Variants in ATP5MJ observed in about 807,000 individuals in gnomAD.
The protein encoded by ATP5MJ is ATP synthase membrane subunit j.
A neutral mutation model predicts 8.3 loss-of-function variants in ATP5MJ; 4 were observed. The observed-to-expected ratio is 0.48, with a 90% CI of 0.24 to 1.11. The LOEUF is 1.11. Among genes scored for constraint, ATP5MJ ranks in the 50% least tolerant of loss-of-function variants. The pLI, the probability that ATP5MJ is intolerant of heterozygous loss-of-function variation, is 0.18. For missense variants in ATP5MJ, 66 were observed against 71.8 expected, an observed-to-expected ratio of 0.92 and a Z score of 0.29; for synonymous variants, 23 against 21.3, an observed-to-expected ratio of 1.08 and a Z score of -0.23.
chr14:103,912,584 C>T lies in ATP5MJ; in HGVS notation c.*82G>A. 7.1e-7 allele frequency: 1 copy of T among 1,410,346 alleles called. No homozygotes were observed. Among genetic ancestry groups the T allele is most frequent in the East Asian group, 2.3e-5 (1 of 43,898 alleles). The allele number at this position is 1,410,346 out of a possible 1,614,324, so 87.4% of individuals were successfully genotyped here. ...ACTTATACAAGTGTACAGTGACGTT[C>T]CACGCTCCCCATCTAACACGGCTTG... is the stretch of plus-strand genomic sequence containing the variant. On this transcript the variant is annotated 3_prime_UTR_variant, in exon 4 of 4. Coordinates refer to ENST00000286953, the MANE Select transcript of ATP5MJ (RefSeq NM_004894.3).
intron 1 of ATP5MJ, among the ~76,000 whole-genome samples, chr14:103,916,044 G>A (rs970239242): frequency 2.6e-5 from 4 of 152,174 alleles, no homozygotes; most frequent in African/African-American, 9.7e-5. Flanking sequence ...TGATTTCCTT[G>A]TGAAACTAAT....
chr14:103,915,220 A>G (rs1287455766), intron 1 of ATP5MJ, 31 bp from the exon 2 acceptor site: 2 of 1,605,488 alleles, frequency 1.2e-6, no homozygotes, highest in South Asian at 1.1e-5. Context: ...TAAAAATTAG[A>G]ATGATGATTG....
intron 2 of ATP5MJ, chr14:103,914,200 C>CT: frequency 1.7e-6 from 1 of 587,030 alleles, no homozygotes; most frequent in South Asian, 2.2e-5. Context: ...TCCTTACCTT[C>CT]TACAATGTCC....
chr14:103,919,761 C>G (rs550688055), intron 1 of ATP5MJ, among the ~76,000 whole-genome samples: 3 of 152,132 alleles, frequency 2.0e-5, no homozygotes, highest in Non-Finnish European at 4.4e-5. Context: ...CCCTTCCTTT[C>G]CCCTTGACTT....
Position 103,915,095 on chromosome 14 carries a change from C to G in ATP5MJ, c.95G>C (p.Gly32Ala), listed in dbSNP as rs2087614603. ...QEIWIGMGLM[G>A]FIVYKIRAAD... ...AGCCCGGATTTTATAAACGATGAAG[C>G]CCATCAGCCCCATTCCTATCCAAAT... is the stretch of plus-strand genomic sequence containing the variant. Residue 32 changes from glycine to alanine, a missense_variant, in exon 2 of 4, where the codon GGC becomes GCC. Transcript: ENST00000286953. The G allele has an allele frequency of 6.2e-7, 1 of 1,614,036 alleles. No individual in the cohort carries two copies. The highest frequency in any genetic ancestry group is 8.5e-7 in the Non-Finnish European group (1 of 1,180,008).
chr14:103,914,369 G>A, intron 2 of ATP5MJ: 1 of 538,368 alleles, frequency 1.9e-6, no homozygotes. Flanking sequence ...ATTCAGAACA[G>A]TTGAAAAGGT....
chr14:103,919,813 C>T (rs117504775), intron 1 of ATP5MJ, among the ~76,000 whole-genome samples: 3,478 of 151,778 alleles, frequency 0.023, 74 homozygotes, highest in East Asian at 0.067. Context: ...GTTCCCAATA[C>T]ATAATAAAAC....
Position 103,912,604 on chromosome 14 carries a change from G to T in ATP5MJ, c.*62C>A. The T allele has an allele frequency of 6.5e-7, 1 of 1,548,508 alleles. No homozygotes were observed. The highest frequency in any genetic ancestry group is 8.9e-7 in the Non-Finnish European group (1 of 1,122,204). On this transcript the variant is annotated 3_prime_UTR_variant, in exon 4 of 4. Transcript: ENST00000286953. ...ACGTTCCACGCTCCCCATCTAACAC[G>T]GCTTGCTGAAATTTACAGGCAGACT...
chr14:103,916,576 TA>T (rs35274830), intron 1 of ATP5MJ, among the ~76,000 whole-genome samples: 34,012 of 151,950 alleles, frequency 0.22, 4,730 homozygotes, highest in South Asian at 0.42. Flanking sequence ...CTACAAAACA[TA>T]AAAAATTAAC....
At chr14:103,920,897 G>T in intron 1 of ATP5MJ, 1 of 1,402,626 alleles carries the variant, frequency 7.1e-7, no homozygotes, top group Non-Finnish European at 9.9e-7. Context: ...ATCCACTTAA[G>T]TCTGCAAAGT....
At chr14:103,914,869 A>T in intron 2 of ATP5MJ, 197 bp downstream of exon 2, 1 of 538,220 alleles carries the variant, frequency 1.9e-6, no homozygotes, top group Non-Finnish European at 3.0e-6. Flanking sequence ...AAAAGAAAAG[A>T]AAAAAAAAAT....
At chr14:103,920,749 C>A (rs2087670371) in intron 1 of ATP5MJ, among the ~76,000 whole-genome samples, 1 of 152,180 alleles carries the variant, frequency 6.6e-6, no homozygotes, top group South Asian at 2.1e-4. Flanking sequence ...GGATTACAGG[C>A]GTGAACCACC....
At chr14:103,919,170 G>T (rs574892626) in intron 1 of ATP5MJ, among the ~76,000 whole-genome samples, 1 of 151,850 alleles carries the variant, frequency 6.6e-6, no homozygotes, top group Non-Finnish European at 1.5e-5. Flanking sequence ...ATCACTTAAG[G>T]TCAGTAGTTT....
rs573750596 is a variant in ATP5MJ at position 103,919,889 on chromosome 14, C to G, written c.-1+1581G>C. On this transcript the variant is annotated intron_variant, in intron 1 of 3. Coordinates refer to ENST00000286953, the MANE Select transcript of ATP5MJ (RefSeq NM_004894.3). ...GTCATCAGGCTGGAGTGCAATGGTGCGATCGCGGCTCACTGCAACCTCCGC... is the reference window on the plus strand; with the variant it reads ...GTCATCAGGCTGGAGTGCAATGGTGGGATCGCGGCTCACTGCAACCTCCGC... Among the ~76,000 whole-genome samples, 6 of 151,546 alleles carry G rather than the reference C, an allele frequency of 4.0e-5. No individual in the cohort carries two copies. In the South Asian group the frequency reaches 1.3e-3, roughly 32 times the overall value.
intron 1 of ATP5MJ, chr14:103,920,825 T>G (rs2087671081): frequency 2.4e-6 from 2 of 838,690 alleles, no homozygotes; most frequent in Non-Finnish European, 4.0e-6. Flanking sequence ...TGTGTGTCAG[T>G]TTTACAGCAC....
At chr14:103,918,675 C>T (rs4906386) in intron 1 of ATP5MJ, among the ~76,000 whole-genome samples, 3,345 of 152,130 alleles carry the variant, frequency 0.022, 144 homozygotes, top group Admixed American at 0.12. Flanking sequence ...GTTTCTTTTT[C>T]TGTGAAACAG....
intron 2 of ATP5MJ, 34 bp from the exon 3 acceptor site, chr14:103,914,018 A>G (rs766775292): frequency 6.3e-7 from 1 of 1,582,680 alleles, no homozygotes; most frequent in South Asian, 1.1e-5. Flanking sequence ...AAGCAGTCAT[A>G]TCAATGCTTT....
chr14:103,917,594 C>T lies in ATP5MJ; in HGVS notation c.1-2405G>A, dbSNP rs74086749. Among the ~76,000 whole-genome samples, 303 of 152,190 alleles carry T rather than the reference C, an allele frequency of 2.0e-3. 1 individual carries two copies. Among genetic ancestry groups the T allele is most frequent in the African/African-American group, 7.1e-3 (293 of 41,522 alleles). ...GGCTGCAGAGCCCCTTCGATTCCTCCCCCACCGTGGGAGCTAAGCTACTGG... is the reference window on the plus strand; with the variant it reads ...GGCTGCAGAGCCCCTTCGATTCCTCTCCCACCGTGGGAGCTAAGCTACTGG... On this transcript the variant is annotated intron_variant, in intron 1 of 3. Coordinates refer to ENST00000286953, the MANE Select transcript of ATP5MJ (RefSeq NM_004894.3).
chr14:103,918,292 C>T (rs995674335), intron 1 of ATP5MJ, among the ~76,000 whole-genome samples: 4 of 152,136 alleles, frequency 2.6e-5, no homozygotes, highest in Non-Finnish European at 5.9e-5. Flanking sequence ...GAATCCTGGG[C>T]TCCAACACCA....
Sources: gnomAD v4.1 joint callset for allele counts (sites outside exome capture counted in the v4.1 genomes callset) on GRCh38, gnomAD v4.1.1 for gene constraint, MANE v1.5 for transcripts, NCBI Gene and HGNC (gene_info 2026-07-23, HGNC 2026-07-21) for gene names.